YTHDC2: variants seen among roughly 807,000 people sequenced by gnomAD.
The protein encoded by YTHDC2 is YTH N6-methyladenosine RNA binding protein C2.
A neutral mutation model predicts 174.9 loss-of-function variants in YTHDC2; 45 were observed. That is an observed-to-expected ratio of 0.26 (90% CI 0.20 to 0.33). YTHDC2 has a LOEUF of 0.33. Among genes scored for constraint, YTHDC2 ranks in the 10% least tolerant of loss-of-function variants. The pLI, the probability that YTHDC2 is intolerant of heterozygous loss-of-function variation, is 1.00. For synonymous variants in YTHDC2, 657 were observed against 574.5 expected (o/e 1.14, Z -2.05); for missense variants, 1,650 against 1,723.7 (o/e 0.96, Z 0.76).
At chr5:113,546,766 G>A (rs1003521606) in intron 10 of YTHDC2, among the ~76,000 whole-genome samples, 8 of 152,202 alleles carry the variant, frequency 5.3e-5, no homozygotes, top group South Asian at 2.1e-4. Context: ...TAAACTGTTC[G>A]TAGGGACTAC....
rs1779160787 is a variant in YTHDC2 at position 113,594,476 on chromosome 5, T to C, written c.*1002T>C. The C allele has an allele frequency of 6.6e-6, 1 of 152,218 alleles. No individual in the cohort carries two copies. Among genetic ancestry groups the C allele is most frequent in the Admixed American group, 6.5e-5 (1 of 15,274 alleles). The allele number at this position is 152,218 out of a possible 1,614,324, so 9.4% of individuals were successfully genotyped here. A position where few individuals can be genotyped will look rare whatever the true frequency, so the allele number is the denominator to read the frequency against. On this transcript the variant is annotated 3_prime_UTR_variant, in exon 30 of 30. Transcript: ENST00000161863. ...TTTTTTTCAGTATGTTTTCACTGGC[T>C]TATGTTTTCAGATATGATTTTCCTT...
In YTHDC2 at chr5:113,526,582, A is replaced by T. The variant is rs1284694622; in HGVS notation, c.476-4A>T. The T allele has an allele frequency of 1.3e-6, 2 of 1,534,928 alleles. No homozygotes were observed. Among genetic ancestry groups the T allele is most frequent in the Non-Finnish European group, 1.8e-6 (2 of 1,137,858 alleles). On this transcript the variant is annotated splice_region_variant and splice_polypyrimidine_tract_variant and intron_variant, in intron 3 of 29. Transcript: ENST00000161863. ...ATTTTTTGTTCTTTTATTCATTTTC[A>T]AAGAAAACCGGGAAATGAGCAAGAC...
chr5:113,520,850 A>T (rs557818751), intron 2 of YTHDC2, among the ~76,000 whole-genome samples: 16 of 152,286 alleles, frequency 1.1e-4, no homozygotes, highest in African/African-American at 3.6e-4. Context: ...TGTTGTACAG[A>T]TTATTTCATC....
At chr5:113,517,889 A>G (rs2112517305) in intron 2 of YTHDC2, among the ~76,000 whole-genome samples, 1 of 151,822 alleles carries the variant, frequency 6.6e-6, no homozygotes, top group Non-Finnish European at 1.5e-5. Flanking sequence ...ACTTTATTTT[A>G]TTTTATTTTA....
chr5:113,589,411 AT>A lies in YTHDC2; in HGVS notation c.3826-1629del, dbSNP rs1361717146. Among the ~76,000 whole-genome samples, 321 of 65,248 alleles carry A rather than the reference AT, an allele frequency of 4.9e-3. 2 individuals are homozygous for A. The highest frequency in any genetic ancestry group is 4.4e-3 in the South Asian group (8 of 1,828). The allele number at this position is 65,248 out of a possible 152,430, so 42.8% of individuals were successfully genotyped here. A position where few individuals can be genotyped will look rare whatever the true frequency, so the allele number is the denominator to read the frequency against. ...TTTAAAAATTAAAAAAAAAAAAAAT[AT>A]ATATATATATATATATATATGTATA... On this transcript the variant is annotated intron_variant, in intron 26 of 29. Coordinates refer to ENST00000161863, the MANE Select transcript of YTHDC2 (RefSeq NM_022828.5).
chr5:113,548,173 T>C (rs1386380628), intron 10 of YTHDC2, among the ~76,000 whole-genome samples: 8 of 152,218 alleles, frequency 5.3e-5, no homozygotes, highest in Non-Finnish European at 8.8e-5. Context: ...AATTATTTAA[T>C]TATGTCTTGT....
At position 113,533,005 on chromosome 5, in the gene YTHDC2, A is replaced by C; in HGVS notation, c.802A>C (p.Ile268Leu). 6.2e-7 allele frequency: 1 copy of C among 1,614,190 alleles called. No homozygotes were observed. ...AGTTGCCGCAGAGAGACGGGAAAGG[A>C]TTGGTCAAACAATTGGTTATCAGAT... is the stretch of plus-strand genomic sequence containing the variant. Reference protein sequence around the residue: ...ERVAAERRERIGQTIGYQIRL... With the variant: ...ERVAAERRERLGQTIGYQIRL... The change falls in exon 5 of 30, where the codon ATT becomes CTT. Residue 268 changes from isoleucine to leucine, a missense_variant. Physicochemically the swap from Ile to Leu is conservative, Grantham distance 5. This residue lies in a region of YTHDC2 where 304 missense variants were observed against 341.4 expected (regional missense o/e 0.89). Coordinates refer to ENST00000161863, the MANE Select transcript of YTHDC2 (RefSeq NM_022828.5).
At chr5:113,519,100 T>C (rs954908293) in intron 2 of YTHDC2, among the ~76,000 whole-genome samples, 4 of 152,030 alleles carry the variant, frequency 2.6e-5, no homozygotes, top group African/African-American at 7.3e-5. Flanking sequence ...CTCAAACTCC[T>C]GGGCTCAAGT....
chr5:113,559,896 G>A (rs899016885), intron 17 of YTHDC2, among the ~76,000 whole-genome samples: 2 of 152,170 alleles, frequency 1.3e-5, no homozygotes, highest in Non-Finnish European at 2.9e-5. Context: ...AAGCAAAAGC[G>A]GACTGGAGGT....
chr5:113,563,827 C>T, intron 19 of YTHDC2, 32 bp from the exon 20 acceptor site: 1 of 1,611,556 alleles, frequency 6.2e-7, no homozygotes, highest in South Asian at 1.1e-5. Flanking sequence ...AGTTTGCTCA[C>T]ATCAAAGTCT....
chr5:113,522,950 A>G (rs2112540631), intron 2 of YTHDC2, among the ~76,000 whole-genome samples: 1 of 152,274 alleles, frequency 6.6e-6, no homozygotes, highest in Non-Finnish European at 1.5e-5. Flanking sequence ...GGTAATGGCT[A>G]AGTAGTCCCA....
At chr5:113,570,898 C>T (rs1777670373) in intron 23 of YTHDC2, among the ~76,000 whole-genome samples, 1 of 152,158 alleles carries the variant, frequency 6.6e-6, no homozygotes, top group Non-Finnish European at 1.5e-5. Context: ...AAGTGATCTA[C>T]CACCTCGGCC....
At chr5:113,536,908 T>A (rs1775119369) in intron 7 of YTHDC2, among the ~76,000 whole-genome samples, 1 of 152,228 alleles carries the variant, frequency 6.6e-6, no homozygotes, top group Admixed American at 6.5e-5. Flanking sequence ...TGCTTTATCA[T>A]GAACAGTTTT....
At chr5:113,588,448 A>G (rs927185408) in intron 26 of YTHDC2, among the ~76,000 whole-genome samples, 4 of 151,574 alleles carry the variant, frequency 2.6e-5, no homozygotes, top group Admixed American at 2.6e-4. Flanking sequence ...CTTTTTTCTT[A>G]TGTATCTTTG....
chr5:113,562,504 A>G (rs1284609591), intron 18 of YTHDC2, among the ~76,000 whole-genome samples: 2 of 152,066 alleles, frequency 1.3e-5, no homozygotes. Context: ...CTGGGAGAAA[A>G]TTCACAATCC....
chr5:113,593,163 T>C (rs1779095323), intron 28 of YTHDC2, 140 bp from the exon 29 acceptor site: 1 of 610,334 alleles, frequency 1.6e-6, no homozygotes, highest in African/African-American at 1.9e-5. Context: ...GAACAATTCA[T>C]ACCAGATGAT....
At chr5:113,552,645 A>G (rs771730776) in intron 12 of YTHDC2, among the ~76,000 whole-genome samples, 6 of 152,188 alleles carry the variant, frequency 3.9e-5, no homozygotes, top group Non-Finnish European at 8.8e-5. Flanking sequence ...TTATGTGGAT[A>G]TATTTTTTTC....
intron 6 of YTHDC2, among the ~76,000 whole-genome samples, chr5:113,535,413 A>G (rs1774985911): frequency 1.3e-5 from 2 of 152,120 alleles, no homozygotes. Context: ...AGGCCCTGGA[A>G]CCATTCACCC....
At chr5:113,533,131 T>C in intron 5 of YTHDC2, 86 bp downstream of exon 5, 3 of 1,467,090 alleles carry the variant, frequency 2.0e-6, no homozygotes, top group East Asian at 2.4e-5. Context: ...ATGTGTTCGT[T>C]GAAAAGTTAG....
Sources: allele counts gnomAD v4.1 joint callset (sites outside exome capture counted in the v4.1 genomes callset), GRCh38; gene constraint gnomAD v4.1.1; regional missense constraint gnomAD v4.1.1; transcripts MANE v1.5; gene names NCBI Gene and HGNC (gene_info 2026-07-23, HGNC 2026-07-21).